The following EGLN1 variants were observed in gnomAD, a reference collection of about 807,000 sequenced individuals.
EGLN1 encodes the protein egl nine homolog 1.
Under a neutral mutation model 38.3 loss-of-function variants are expected in EGLN1, and 17 were observed. That is an observed-to-expected ratio of 0.44 (90% CI 0.30 to 0.67). EGLN1 has a LOEUF of 0.67. EGLN1 is among the 30% of genes least tolerant of loss of function. The pLI is 0.08. For missense variants in EGLN1, 477 were observed against 603.3 expected (o/e 0.79, Z 2.19); for synonymous variants, 283 against 257.5 (o/e 1.10, Z -0.95).
chr1:231,404,505 C>CA (rs1359522485), intron 1 of EGLN1, among the ~76,000 whole-genome samples: 4 of 152,030 alleles, frequency 2.6e-5, no homozygotes, highest in Non-Finnish European at 5.9e-5. Context: ...AGGCCAGGCA[C>CA]AGTGGCTCAT....
At chr1:231,380,150 T>C (rs2102903682) in intron 1 of EGLN1, among the ~76,000 whole-genome samples, 1 of 152,262 alleles carries the variant, frequency 6.6e-6, no homozygotes, top group East Asian at 1.9e-4. Flanking sequence ...TGCCACAGAT[T>C]GCCAAGGGAG....
chr1:231,386,333 T>A (rs908884096), intron 1 of EGLN1, among the ~76,000 whole-genome samples: 5 of 152,226 alleles, frequency 3.3e-5, no homozygotes, highest in African/African-American at 1.2e-4. Context: ...AATGACTATC[T>A]CCATTTTACA....
chr1:231,382,787 G>T (rs905026049), intron 1 of EGLN1, among the ~76,000 whole-genome samples: 9 of 152,042 alleles, frequency 5.9e-5, no homozygotes, highest in Non-Finnish European at 8.8e-5. Flanking sequence ...GCCGGGCATG[G>T]TGGCTCAAGC....
Position 231,422,050 on chromosome 1 carries a change from G to T in EGLN1, c.-162C>A. 4.2e-6 allele frequency: 3 copies of T among 713,816 alleles called. No homozygotes were observed. Among genetic ancestry groups the T allele is most frequent in the Non-Finnish European group, 5.9e-6 (3 of 504,218 alleles). 44.2% of individuals were successfully genotyped at this position (713,816 alleles called of 1,614,324 possible). A position where few individuals can be genotyped will look rare whatever the true frequency, so the allele number is the denominator to read the frequency against. On this transcript the variant is annotated 5_prime_UTR_variant, in exon 1 of 5. Coordinates refer to ENST00000366641, the MANE Select transcript of EGLN1 (RefSeq NM_022051.3). ...AGGGAGGCCGGCACCCCACGCCCTC[G>T]GCCCGGCCGCTTCCGAGTCCTAAGC...
At chr1:231,382,244 G>A (rs1688095116) in intron 1 of EGLN1, among the ~76,000 whole-genome samples, 2 of 152,164 alleles carry the variant, frequency 1.3e-5, no homozygotes, top group African/African-American at 2.4e-5. Flanking sequence ...GAAGAGTTAC[G>A]ATTTAAATTC....
intron 1 of EGLN1, among the ~76,000 whole-genome samples, chr1:231,390,002 G>A (rs1415682868): frequency 1.3e-5 from 2 of 152,152 alleles, no homozygotes; most frequent in African/African-American, 4.8e-5. Context: ...GGACTCTGAA[G>A]CCAGATTTCC....
chr1:231,412,703 C>A (rs1688984652), intron 1 of EGLN1, among the ~76,000 whole-genome samples: 1 of 152,160 alleles, frequency 6.6e-6, no homozygotes, highest in Non-Finnish European at 1.5e-5. Context: ...GTAGCTAGCA[C>A]AGCCAATTTG....
intron 1 of EGLN1, among the ~76,000 whole-genome samples, chr1:231,385,215 A>G (rs1688173575): frequency 6.6e-6 from 1 of 152,276 alleles, no homozygotes. Context: ...TGAAGACAGC[A>G]TATGGTGCAG....
chr1:231,421,862 G>C lies in EGLN1; in HGVS notation c.27C>G (p.Gly9=). 1 of 1,484,364 alleles carries C rather than the reference G, an allele frequency of 6.7e-7. No individual in the cohort carries two copies. Among genetic ancestry groups the C allele is most frequent in the Non-Finnish European group, 8.9e-7 (1 of 1,124,482 alleles). 91.9% of individuals were successfully genotyped at this position (1,484,364 alleles called of 1,614,324 possible). ...GGTCTCGCTCGCTCGGGCTCGGCCCGCCGGGCCCGCCGCTGTCATTGGCCA... is the reference window on the plus strand; with the variant it reads ...GGTCTCGCTCGCTCGGGCTCGGCCCCCCGGGCCCGCCGCTGTCATTGGCCA... The part of the protein sequence containing the change: MANDSGGP[G]GPSPSERDRQ... The change falls in exon 1 of 5, where the codon GGC becomes GGG. Residue 9 remains glycine, a synonymous_variant. Coordinates refer to ENST00000366641, the MANE Select transcript of EGLN1 (RefSeq NM_022051.3). The surrounding 1 kb of genome is among the most constrained non-coding windows in gnomAD (Gnocchi z 5.5).
At chr1:231,400,496 A>C (rs1688639190) in intron 1 of EGLN1, among the ~76,000 whole-genome samples, 1 of 152,166 alleles carries the variant, frequency 6.6e-6, no homozygotes, top group Admixed American at 6.5e-5. Context: ...ATCTTAGTAA[A>C]TGTTTAAGGT....
chr1:231,372,632 A>C (rs1488626619), intron 2 of EGLN1, among the ~76,000 whole-genome samples: 1 of 152,224 alleles, frequency 6.6e-6, no homozygotes, highest in Admixed American at 6.5e-5. Flanking sequence ...TCTCTACTTC[A>C]AACTTTGAAA....
chr1:231,421,525 C>T lies in EGLN1; in HGVS notation c.364G>A (p.Ala122Thr), dbSNP rs1444905237. 14 of 1,302,744 alleles carry T rather than the reference C, an allele frequency of 1.1e-5. No homozygotes were observed. The highest frequency in any genetic ancestry group is 1.4e-5 in the Non-Finnish European group (14 of 1,026,448). The allele number at this position is 1,302,744 out of a possible 1,614,324, so 80.7% of individuals were successfully genotyped here. A position where few individuals can be genotyped will look rare whatever the true frequency, so the allele number is the denominator to read the frequency against. ...VKAKPPADPA[A>T]AASPCRAAAG... ...GCCGCACGACACGGCGACGCGGCCG[C>T]CGCTGGGTCGGCCGGGGGCTTGGCC... The change falls in exon 1 of 5, where the codon GCG becomes ACG. Residue 122 changes from alanine to threonine, a missense_variant. Physicochemically the swap from Ala to Thr is moderately conservative, Grantham distance 58. This residue lies in a region of EGLN1 where 298 missense variants were observed against 288.9 expected (regional missense o/e 1.03). Transcript: ENST00000366641. This position sits in a 1 kb window ranked among gnomAD's most constrained non-coding sequence, Gnocchi z 5.5.
chr1:231,402,353 G>A (rs1250739251), intron 1 of EGLN1, among the ~76,000 whole-genome samples: 2 of 150,514 alleles, frequency 1.3e-5, no homozygotes, highest in Non-Finnish European at 3.0e-5. Context: ...TCTTTTTTAT[G>A]TCCTAAAAAA....
chr1:231,405,965 T>C (rs943248647), intron 1 of EGLN1, among the ~76,000 whole-genome samples: 10 of 145,522 alleles, frequency 6.9e-5, no homozygotes, highest in African/African-American at 2.5e-4. Context: ...TTTTAGTTAG[T>C]AAGCACCCCC....
intron 1 of EGLN1, among the ~76,000 whole-genome samples, chr1:231,391,313 C>T (rs181805473): frequency 3.3e-5 from 5 of 152,014 alleles, no homozygotes; most frequent in African/African-American, 9.7e-5. Context: ...TAAGACTATA[C>T]ATCCATAAGG....
intron 1 of EGLN1, among the ~76,000 whole-genome samples, chr1:231,398,107 C>T (rs1182903360): frequency 1.3e-5 from 2 of 152,168 alleles, no homozygotes; most frequent in African/African-American, 4.8e-5. Context: ...ATTTGTACTT[C>T]TCCAAATGAT....
chr1:231,411,870 G>C (rs1272165565), intron 1 of EGLN1, among the ~76,000 whole-genome samples: 2 of 151,546 alleles, frequency 1.3e-5, no homozygotes, highest in African/African-American at 4.9e-5. Context: ...GTGGTGGTGG[G>C]CACCTGTAGT....
chr1:231,387,777 T>C (rs1236604918), intron 1 of EGLN1, among the ~76,000 whole-genome samples: 1 of 152,220 alleles, frequency 6.6e-6, no homozygotes, highest in Non-Finnish European at 1.5e-5. Flanking sequence ...TTACATCCCA[T>C]CAATATCTGT....
At chr1:231,404,565 G>A (rs1252218842) in intron 1 of EGLN1, among the ~76,000 whole-genome samples, 1 of 151,864 alleles carries the variant, frequency 6.6e-6, no homozygotes, top group Non-Finnish European at 1.5e-5. Context: ...ATTGCTTGAG[G>A]TCATGAGTTC....
Sources: gnomAD v4.1 joint callset for allele counts (sites outside exome capture counted in the v4.1 genomes callset) on GRCh38, gnomAD v4.1.1 for gene constraint, gnomAD v4.1.1 regional missense constraint, Gnocchi (gnomAD v3.1) non-coding constraint, MANE v1.5 for transcripts, NCBI Gene and HGNC (gene_info 2026-07-23, HGNC 2026-07-21) for gene names.